CNOT9: variants seen among roughly 807,000 people sequenced by gnomAD.
The protein encoded by CNOT9 is CCR4-NOT transcription complex subunit 9, also known as RCD1 required for cell differentiation1 homolog.
Under a neutral mutation model 37.4 loss-of-function variants are expected in CNOT9, and 8 were observed. The ratio of observed to expected loss-of-function variants is 0.21; its 90% CI spans 0.13 to 0.39. The LOEUF (loss-of-function observed/expected upper bound fraction) is 0.39. Ranked by LOEUF, CNOT9 falls within the 10% of genes least tolerant of loss-of-function variation. The pLI is 1.00. For synonymous variants in CNOT9, 120 were observed against 137.6 expected (o/e 0.87, Z 0.90); for missense variants, 154 against 365.3 (o/e 0.42, Z 4.71).
intron 1 of CNOT9, among the ~76,000 whole-genome samples, chr2:218,579,626 A>G (rs1050909261): frequency 6.0e-4 from 91 of 151,972 alleles, no homozygotes; most frequent in Non-Finnish European, 3.8e-4. Context: ...AGCTGGGACT[A>G]CAGGCGCCTG....
At chr2:218,573,605 G>A (rs1291934479) in intron 1 of CNOT9, 1 of 152,078 alleles carries the variant, frequency 6.6e-6, no homozygotes, top group East Asian at 1.9e-4. Context: ...CAATTTTTTA[G>A]TTTACTCAGA....
In CNOT9 at chr2:218,596,192, A is replaced by G. The variant is rs1694921532; in HGVS notation, c.*1916A>G. On this transcript the variant is annotated 3_prime_UTR_variant, in exon 8 of 8. Transcript: ENST00000273064. The stretch of plus-strand genomic sequence containing the variant: ...CTCCCTGGGAAATTCTCTTCTCTCC[A>G]TCTTTCGGTGCATTGGCCATGTTAC... 6.6e-6 allele frequency: 1 copy of G among 152,094 alleles called. No individual in the cohort carries two copies. Among genetic ancestry groups the G allele is most frequent in the Non-Finnish European group, 1.5e-5 (1 of 68,036 alleles). The allele number at this position is 152,094 out of a possible 1,614,324, so 9.4% of individuals were successfully genotyped here. A position where few individuals can be genotyped will look rare whatever the true frequency, so the allele number is the denominator to read the frequency against.
At position 218,594,248 on chromosome 2, in the gene CNOT9, C is replaced by T; in HGVS notation, c.872C>T (p.Pro291Leu). ...CTGCAAGAGGGCCAGGTCACCGATC[C>T]CCGGGGTATCCCCCTGCCCCCTCAG... is the stretch of plus-strand genomic sequence containing the variant. ...KNLQEGQVTD[P>L]RGIPLPPQ Residue 291 changes from proline (P) to leucine (L), a missense_variant, in exon 8 of 8, where the codon CCC becomes CTC. Pro to Leu is a moderately conservative substitution (Grantham distance 98). Transcript: ENST00000273064. The T allele has an allele frequency of 6.2e-7, 1 of 1,613,118 alleles. No homozygotes were observed. Among genetic ancestry groups the T allele is most frequent in the African/African-American group, 1.3e-5 (1 of 75,058 alleles).
Position 218,578,389 on chromosome 2 carries a change from A to G in CNOT9, c.25-2172A>G, listed in dbSNP as rs1694243264. The stretch of plus-strand genomic sequence containing the variant: ...ATTCAGATTGGGTAGAGTAAATTTG[A>G]ATCCACTTCAAAGTCTATTTTATGC... On this transcript the variant is annotated intron_variant, in intron 1 of 7. Transcript: ENST00000273064. 2.6e-5 allele frequency among the ~76,000 whole-genome samples: 4 copies of G among 152,342 alleles called. No homozygotes were observed. In the South Asian group the frequency reaches 8.3e-4, roughly 32 times the overall value.
intron 4 of CNOT9, among the ~76,000 whole-genome samples, chr2:218,586,446 TTACAAGAACTA>T (rs1224496818): frequency 6.6e-6 from 1 of 151,900 alleles, no homozygotes; most frequent in Non-Finnish European, 1.5e-5. Flanking sequence ...AAGAGAGACT[TTACAAGAACTA>T]TACCATACCA....
At position 218,592,725 on chromosome 2, in the gene CNOT9, G is replaced by A. The variant is rs538035996; in HGVS notation, c.731+18G>A. The A allele has an allele frequency of 3.8e-5, 61 of 1,593,030 alleles. No homozygotes were observed. In the South Asian group the frequency reaches 6.1e-4, roughly 16 times the overall value. ...AACCCCAGGTAAACATTTATAGGAT[G>A]TATAGGACTTTAGGGAAATACTCTG... On this transcript the variant is annotated intron_variant, in intron 7 of 7. Coordinates refer to ENST00000273064, the MANE Select transcript of CNOT9 (RefSeq NM_005444.3). The surrounding 1 kb of genome is among the most constrained non-coding windows in gnomAD (Gnocchi z 4.1).
intron 1 of CNOT9, among the ~76,000 whole-genome samples, chr2:218,572,989 C>T (rs1236927477): frequency 6.6e-6 from 1 of 152,110 alleles, no homozygotes; most frequent in Non-Finnish European, 1.5e-5. Flanking sequence ...ACTTATCTTT[C>T]CTTATTCACT....
chr2:218,593,828 A>G (rs1157863382), intron 7 of CNOT9: 2 of 1,237,038 alleles, frequency 1.6e-6, no homozygotes, highest in Non-Finnish European at 2.1e-6. Flanking sequence ...TTAATAAATC[A>G]GAAAGCTGTT....
intron 2 of CNOT9, 82 bp from the exon 3 acceptor site, chr2:218,582,889 C>CT (rs111430766): frequency 0.026 from 17,506 of 665,656 alleles, 5 homozygotes; most frequent in Non-Finnish European, 0.031. Flanking sequence ...TTTTATTTGC[C>CT]TTTTTTTTTT....
chr2:218,580,879 G>T, intron 2 of CNOT9, 139 bp downstream of exon 2: 1 of 823,056 alleles, frequency 1.2e-6, no homozygotes, highest in Non-Finnish European at 2.0e-6. Flanking sequence ...TTTTAGAAAG[G>T]TCTGAGGTAT....
At chr2:218,590,523 A>G (rs1694736958) in intron 5 of CNOT9, among the ~76,000 whole-genome samples, 1 of 152,230 alleles carries the variant, frequency 6.6e-6, no homozygotes, top group African/African-American at 2.4e-5. Flanking sequence ...GTGGCTTAAA[A>G]CAATGGAAGT....
intron 1 of CNOT9, among the ~76,000 whole-genome samples, chr2:218,570,516 T>C (rs1410000424): frequency 6.6e-6 from 1 of 152,228 alleles, no homozygotes; most frequent in Non-Finnish European, 1.5e-5. Context: ...GTCATTGCAA[T>C]TCCCCTAGCT....
At chr2:218,587,829 A>T (rs1377944815) in intron 5 of CNOT9, 134 bp downstream of exon 5, 1 of 452,512 alleles carries the variant, frequency 2.2e-6, no homozygotes. Context: ...AATTATTATG[A>T]AACAATTATT....
chr2:218,585,644 T>TTA (rs1694565964), intron 4 of CNOT9, among the ~76,000 whole-genome samples: 1 of 146,050 alleles, frequency 6.8e-6, no homozygotes, highest in African/African-American at 2.4e-5. Flanking sequence ...TTTTATTTTT[T>TTA]TTTTTTTTTT....
At chr2:218,585,452 A>C (rs1420873706) in intron 4 of CNOT9, among the ~76,000 whole-genome samples, 3 of 149,256 alleles carry the variant, frequency 2.0e-5, no homozygotes, top group Non-Finnish European at 4.4e-5. Context: ...ATGTGCCTGT[A>C]GTCCCAGCTG....
rs1001760914 is a variant in CNOT9, at chr2:218,593,551, G to T, written c.732-557G>T. 14 of 1,500,416 alleles carry T rather than the reference G, an allele frequency of 9.3e-6. 1 individual carries two copies. In the Admixed American group the frequency reaches 2.6e-4, roughly 28 times the overall value. 92.9% of individuals were successfully genotyped at this position (1,500,416 alleles called of 1,614,324 possible). A position where few individuals can be genotyped will look rare whatever the true frequency, so the allele number is the denominator to read the frequency against. ...AGGTTTTCAGATTTGACTTTCTGCT[G>T]GTCATCTTTTCAAAGAAAATGAAAC... On this transcript the variant is annotated intron_variant, in intron 7 of 7. Coordinates refer to ENST00000273064, the MANE Select transcript of CNOT9 (RefSeq NM_005444.3).
In CNOT9 at chr2:218,588,287, C is replaced by CT. The variant is rs539751873; in HGVS notation, c.540+607dup. On this transcript the variant is annotated intron_variant, in intron 5 of 7. Transcript: ENST00000273064. Reference sequence around the variant, plus strand: ...TAAAGTTCATTTGATAATCATATATCTTTTTTTTTTTTTTTCTCTGAGATG... The same window carrying CT: ...TAAAGTTCATTTGATAATCATATATCTTTTTTTTTTTTTTTTCTCTGAGATG... 1.7e-3 allele frequency among the ~76,000 whole-genome samples: 246 copies of CT among 141,490 alleles called. 1 individual carries two copies. Among genetic ancestry groups the CT allele is most frequent in the African/African-American group, 1.8e-3 (68 of 38,848 alleles). 92.8% of individuals were successfully genotyped at this position (141,490 alleles called of 152,430 possible). A position where few individuals can be genotyped will look rare whatever the true frequency, so the allele number is the denominator to read the frequency against.
rs1694935885 is a variant in CNOT9, at chr2:218,596,796, G to A, written c.*2520G>A. 6.6e-6 allele frequency: 1 copy of A among 152,208 alleles called. No individual in the cohort carries two copies. Among genetic ancestry groups the A allele is most frequent in the Admixed American group, 6.5e-5 (1 of 15,282 alleles). The allele number at this position is 152,208 out of a possible 1,614,324, so 9.4% of individuals were successfully genotyped here. On this transcript the variant is annotated 3_prime_UTR_variant, in exon 8 of 8. Coordinates refer to ENST00000273064, the MANE Select transcript of CNOT9 (RefSeq NM_005444.3). The stretch of plus-strand genomic sequence containing the variant: ...ATGCTTGAAACATCTTACGAACTTT[G>A]ATGTTCATTTCCTCAAGTTCAAGGC...
chr2:218,580,402 T>G (rs763999951), intron 1 of CNOT9, among the ~76,000 whole-genome samples, 159 bp from the exon 2 acceptor site: 68 of 152,376 alleles, frequency 4.5e-4, no homozygotes, highest in Non-Finnish European at 7.6e-4. Context: ...TTTTCATCAG[T>G]AACTACCAAA....
Sources: allele counts gnomAD v4.1 joint callset (sites outside exome capture counted in the v4.1 genomes callset), GRCh38; gene constraint gnomAD v4.1.1; non-coding constraint Gnocchi (gnomAD v3.1); transcripts MANE v1.5; gene names NCBI Gene and HGNC (gene_info 2026-07-23, HGNC 2026-07-21).